Variants in AGMO observed in about 807,000 individuals in gnomAD.
AGMO encodes alkylglycerol monooxygenase.
In AGMO, 75 loss-of-function variants were observed where a neutral mutation model predicts 60.2. The observed-to-expected ratio is 1.25, with a 90% CI of 1.03 to 1.51. AGMO has a LOEUF of 1.51. Among genes scored for constraint, AGMO ranks in the 40% most tolerant of loss-of-function variants. The pLI, the probability that AGMO is intolerant of heterozygous loss-of-function variation, is 0.00. For missense variants in AGMO, 763 were observed against 525.5 expected, an observed-to-expected ratio of 1.45 and a Z score of -4.42; for synonymous variants, 261 against 177.1, an observed-to-expected ratio of 1.47 and a Z score of -3.76.
chr7:15,152,210 ACT>A, the AGMO span, among the ~76,000 whole-genome samples: 2 of 151,338 alleles, frequency 1.3e-5, no homozygotes, highest in Non-Finnish European at 2.9e-5. Context: ...AAATAGCAAC[ACT>A]CTTTTTTTGT....
chr7:15,484,494 G>C (rs1782860140), intron 3 of AGMO, among the ~76,000 whole-genome samples: 1 of 152,176 alleles, frequency 6.6e-6, no homozygotes, highest in African/African-American at 2.4e-5. Flanking sequence ...TATATGGTGT[G>C]TTCACATTGT....
At chr7:15,347,549 TA>T (rs2128552413) in intron 12 of AGMO, among the ~76,000 whole-genome samples, 1 of 152,070 alleles carries the variant, frequency 6.6e-6, no homozygotes, top group Admixed American at 6.6e-5. Context: ...TTAAAATAAT[TA>T]AAACCTCGCC....
At chr7:15,212,826 A>C (rs1781632084) in intron 12 of AGMO, among the ~76,000 whole-genome samples, 1 of 151,938 alleles carries the variant, frequency 6.6e-6, no homozygotes, top group Non-Finnish European at 1.5e-5. Context: ...TCAGCTGAAA[A>C]AGATACTGAG....
In AGMO at chr7:15,371,673, T is replaced by C. The variant is rs1207431042; in HGVS notation, c.1075-5451A>G. ...CCTGCCTCCTAAAGTGCTGGGATTATAGGCGTGAGCCACTGAACCCAGCCA... is the reference window on the plus strand; with the variant it reads ...CCTGCCTCCTAAAGTGCTGGGATTACAGGCGTGAGCCACTGAACCCAGCCA... On this transcript the variant is annotated intron_variant, in intron 10 of 12. Coordinates refer to ENST00000342526, the MANE Select transcript of AGMO (RefSeq NM_001004320.2). Among the ~76,000 whole-genome samples the C allele has an allele frequency of 2.6e-5, 4 of 152,116 alleles. No individual in the cohort carries two copies. The South Asian group carries it at 6.2e-4, about 24-fold the overall frequency.
intron 3 of AGMO, among the ~76,000 whole-genome samples, chr7:15,492,776 G>A (rs1029757658): frequency 6.6e-6 from 1 of 152,030 alleles, no homozygotes. Context: ...AGGAAGGTGG[G>A]GAGAAAGAGA....
intron 3 of AGMO, among the ~76,000 whole-genome samples, chr7:15,533,188 G>A (rs529849738): frequency 6.6e-6 from 1 of 152,158 alleles, no homozygotes; most frequent in East Asian, 1.9e-4. Flanking sequence ...TAAGATCTAA[G>A]TAATATATAT....
chr7:15,378,460 C>T (rs1266733077), intron 10 of AGMO, among the ~76,000 whole-genome samples: 4 of 151,838 alleles, frequency 2.6e-5, no homozygotes, highest in East Asian at 1.9e-4. Flanking sequence ...GTGTTTTCTC[C>T]GTCCCTTTAT....
rs558060999 is a variant in AGMO at position 15,455,070 on chromosome 7, C to T, written c.410-23962G>A. ...TCTTTAATGCTTGCATTTTCTTTCT[C>T]TCTCTCTTTCTCACACACACACACA... On this transcript the variant is annotated intron_variant, in intron 3 of 12. Coordinates refer to ENST00000342526, the MANE Select transcript of AGMO (RefSeq NM_001004320.2). 7.1e-5 allele frequency among the ~76,000 whole-genome samples: 9 copies of T among 126,620 alleles called. No homozygotes were observed. In the East Asian group the frequency reaches 1.7e-3, roughly 24 times the overall value. The allele number at this position is 126,620 out of a possible 152,430, so 83.1% of individuals were successfully genotyped here. A position where few individuals can be genotyped will look rare whatever the true frequency, so the allele number is the denominator to read the frequency against.
At chr7:15,406,228 TAC>T (rs61400312) in intron 5 of AGMO, among the ~76,000 whole-genome samples, 33,851 of 136,084 alleles carry the variant, frequency 0.25, 4,531 homozygotes, top group Middle Eastern at 0.35. Context: ...TTGTTTGGAA[TAC>T]ACACACACAC....
the AGMO span, among the ~76,000 whole-genome samples, chr7:15,187,458 G>C: frequency 6.6e-6 from 1 of 152,158 alleles, no homozygotes; most frequent in Non-Finnish European, 1.5e-5. Context: ...ATCTTGGGCA[G>C]CATCTGTATT....
At chr7:15,544,655 G>T (rs61306199) in intron 3 of AGMO, 117 bp downstream of exon 3, 27 of 890,350 alleles carry the variant, frequency 3.0e-5, no homozygotes, top group Non-Finnish European at 4.0e-5. Flanking sequence ...TTTTATATCC[G>T]TAAAATATAC....
intron 12 of AGMO, among the ~76,000 whole-genome samples, chr7:15,303,784 A>C (rs1780524746): frequency 6.6e-6 from 1 of 152,290 alleles, no homozygotes; most frequent in South Asian, 2.1e-4. Flanking sequence ...TAGAAAAGAA[A>C]GATACAAGGA....
intron 6 of AGMO, among the ~76,000 whole-genome samples, chr7:15,392,809 AACAAACAAAC>A (rs1784204254): frequency 2.2e-5 from 2 of 90,282 alleles, no homozygotes; most frequent in African/African-American, 6.1e-5. Context: ...AAAACAAACA[AACAAACAAAC>A]AAACAAACAA....
At chr7:15,408,994 G>A (rs1002942644) in intron 5 of AGMO, among the ~76,000 whole-genome samples, 2 of 151,632 alleles carry the variant, frequency 1.3e-5, no homozygotes, top group Admixed American at 6.6e-5. Context: ...CAAAAATTGG[G>A]TATTAGATGA....
Position 15,535,294 on chromosome 7 carries a change from G to T in AGMO, c.409+9478C>A, listed in dbSNP as rs551015434. Among the ~76,000 whole-genome samples, 3 of 151,802 alleles carry T rather than the reference G, an allele frequency of 2.0e-5. No homozygotes were observed. In the East Asian group the frequency reaches 5.8e-4, roughly 29 times the overall value. On this transcript the variant is annotated intron_variant, in intron 3 of 12. Transcript: ENST00000342526. ...TTCTTAGACATAAGCTTTGGAATAAGAAAAATAAGTTATTCCTATTTTTCT... is the reference window on the plus strand; with the variant it reads ...TTCTTAGACATAAGCTTTGGAATAATAAAAATAAGTTATTCCTATTTTTCT...
At chr7:15,225,895 T>A (rs1459812788) in intron 12 of AGMO, among the ~76,000 whole-genome samples, 1 of 152,010 alleles carries the variant, frequency 6.6e-6, no homozygotes, top group Non-Finnish European at 1.5e-5. Context: ...TTTTCATAAT[T>A]CTCTTCTTAC....
At chr7:15,363,900 G>C (rs62450358) in intron 12 of AGMO, among the ~76,000 whole-genome samples, 5,383 of 151,800 alleles carry the variant, frequency 0.035, 106 homozygotes, top group Middle Eastern at 0.051. Flanking sequence ...CCTCATCTAA[G>C]GTGTTAAAGT....
At position 15,546,011 on chromosome 7, in the gene AGMO, T is replaced by C. The variant is rs555044762; in HGVS notation, c.258-1088A>G. On this transcript the variant is annotated intron_variant, in intron 2 of 12. Transcript: ENST00000342526. The stretch of plus-strand genomic sequence containing the variant: ...GTGGAAGAAGTGGTGCAGATTATTA[T>C]ACTACCAAAATTTTTTATTTTTACA... Among the ~76,000 whole-genome samples, 227 of 152,252 alleles carry C rather than the reference T, an allele frequency of 1.5e-3. 2 individuals are homozygous for C. The highest frequency in any genetic ancestry group is 5.0e-3 in the Admixed American group (77 of 15,288).
chr7:15,250,633 A>G (rs1402571294), intron 12 of AGMO, among the ~76,000 whole-genome samples: 3 of 152,134 alleles, frequency 2.0e-5, no homozygotes, highest in Non-Finnish European at 4.4e-5. Context: ...ATGAAACTGA[A>G]GAAATCTGGA....
Sources: allele counts gnomAD v4.1 joint callset (sites outside exome capture counted in the v4.1 genomes callset), GRCh38; gene constraint gnomAD v4.1.1; transcripts MANE v1.5; gene names NCBI Gene and HGNC (gene_info 2026-07-23, HGNC 2026-07-21).